SRGAP2: variants seen among roughly 807,000 people sequenced by gnomAD.
SRGAP2 encodes the protein SLIT-ROBO Rho GTPase-activating protein 2.
Under a neutral mutation model 57.2 loss-of-function variants are expected in SRGAP2, and 15 were observed. The ratio of observed to expected loss-of-function variants is 0.26; its 90% CI spans 0.18 to 0.40. SRGAP2 has a LOEUF of 0.40. SRGAP2 is among the 10% of genes least tolerant of loss of function. SRGAP2 has a pLI of 1.00. For missense variants in SRGAP2, 520 were observed against 669.6 expected (o/e 0.78, Z 2.47); for synonymous variants, 249 against 248.0 (o/e 1.00, Z -0.04).
chr1:206,351,018 A>T (rs1676002019), intron 4 of SRGAP2, among the ~76,000 whole-genome samples: 1 of 152,054 alleles, frequency 6.6e-6, no homozygotes, highest in South Asian at 2.1e-4. Context: ...GTTAAAAAGG[A>T]TAAATGAGAT....
At chr1:206,216,665 G>A (rs1224920180) in intron 2 of SRGAP2, among the ~76,000 whole-genome samples, 5 of 150,636 alleles carry the variant, frequency 3.3e-5, no homozygotes, top group South Asian at 4.2e-4. Context: ...TTATTTATAC[G>A]TTGTGAATGA....
At chr1:206,387,125 CAAAAAAAA>C (rs782327960) in intron 5 of SRGAP2, among the ~76,000 whole-genome samples, 1 of 83,544 alleles carries the variant, frequency 1.2e-5, no homozygotes, top group African/African-American at 4.5e-5. Flanking sequence ...GACTCTGTCT[CAAAAAAAA>C]AAAAAAAAAA....
At chr1:206,372,960 CT>C (rs1558358923) in intron 4 of SRGAP2, among the ~76,000 whole-genome samples, 4 of 18,046 alleles carry the variant, frequency 2.2e-4, no homozygotes, top group South Asian at 3.0e-3. Flanking sequence ...TCTTTCTTTT[CT>C]TTCCTTTCTT....
chr1:206,360,053 G>T (rs1213770261), intron 4 of SRGAP2, among the ~76,000 whole-genome samples: 1 of 151,778 alleles, frequency 6.6e-6, no homozygotes, highest in Admixed American at 6.6e-5. Flanking sequence ...TGATCCGCCC[G>T]CCTCGGCCTC....
In SRGAP2 at chr1:206,412,645, T is replaced by C. The variant is rs897422504; in HGVS notation, c.1357-3244T>C. On this transcript the variant is annotated intron_variant, in intron 10 of 22. Coordinates refer to ENST00000573034, the MANE Select transcript of SRGAP2 (RefSeq NM_015326.5). ...TAAGCAGCCCTTTTCCTGGCCCCCG[T>C]GATCTCCAGAAGTCATTAAAAGCCA... Among the ~76,000 whole-genome samples, 864 of 152,308 alleles carry C rather than the reference T, an allele frequency of 5.7e-3. 9 individuals are homozygous for C. Among genetic ancestry groups the C allele is most frequent in the African/African-American group, 0.02 (812 of 41,550 alleles).
intron 2 of SRGAP2, among the ~76,000 whole-genome samples, chr1:206,255,228 G>A (rs61815478): frequency 0.4 from 58,243 of 145,306 alleles, 12,145 homozygotes; most frequent in East Asian, 0.71. Context: ...CTTTCAGTTC[G>A]AGATCTTATT....
chr1:206,306,552 C>T (rs1355582775), intron 3 of SRGAP2, among the ~76,000 whole-genome samples: 17 of 152,048 alleles, frequency 1.1e-4, no homozygotes, highest in Non-Finnish European at 1.2e-4. Flanking sequence ...GAAGGGGACC[C>T]GAGCGGGTTG....
At chr1:206,357,582 CTTTTTTTTTTTT>C (rs781912077) in intron 4 of SRGAP2, among the ~76,000 whole-genome samples, 9 of 78,052 alleles carry the variant, frequency 1.2e-4, no homozygotes, top group East Asian at 7.4e-4. Flanking sequence ...GCTATGTTGT[CTTTTTTTTTTTT>C]TTTTTTTTTT....
chr1:206,414,191 T>C (rs1405089603), intron 10 of SRGAP2, among the ~76,000 whole-genome samples: 2 of 151,846 alleles, frequency 1.3e-5, no homozygotes, highest in Admixed American at 6.6e-5. Context: ...ACCACCACCA[T>C]GCCCGGCTAA....
At chr1:206,421,551 C>A (rs1660307054) in intron 13 of SRGAP2, among the ~76,000 whole-genome samples, 1 of 152,216 alleles carries the variant, frequency 6.6e-6, no homozygotes. Context: ...TGTTCCAGAA[C>A]TGCCCATGGC....
chr1:206,327,349 T>C (rs1220031422), intron 3 of SRGAP2, among the ~76,000 whole-genome samples: 3 of 151,018 alleles, frequency 2.0e-5, no homozygotes, highest in African/African-American at 7.3e-5. Context: ...AAAAGAAGTG[T>C]TCCTATTTAG....
In SRGAP2 at chr1:206,449,558, T is replaced by C. The variant is rs1663091519; in HGVS notation, c.2100-828T>C. On this transcript the variant is annotated intron_variant, in intron 18 of 22. Coordinates refer to ENST00000573034, the MANE Select transcript of SRGAP2 (RefSeq NM_015326.5). ...TCCCAAAGTGCTGGGATTACAGGTG[T>C]GAGCCATTGTGCCTGACCTACCCTG... 2.0e-5 allele frequency among the ~76,000 whole-genome samples: 3 copies of C among 151,730 alleles called. No individual in the cohort carries two copies. The South Asian group carries it at 6.3e-4, about 32-fold the overall frequency.
In SRGAP2 at chr1:206,454,821, CTTTTTGTG is replaced by C; in HGVS notation, c.2361-54_2361-47del. 1.8e-5 allele frequency: 13 copies of C among 709,476 alleles called. No homozygotes were observed. The highest frequency in any genetic ancestry group is 2.3e-5 in the Non-Finnish European group (9 of 385,066). The allele number at this position is 709,476 out of a possible 1,614,324, so 43.9% of individuals were successfully genotyped here. On this transcript the variant is annotated intron_variant, in intron 20 of 22. Coordinates refer to ENST00000573034, the MANE Select transcript of SRGAP2 (RefSeq NM_015326.5). This position sits in a 1 kb window ranked among gnomAD's most constrained non-coding sequence, Gnocchi z 4.3. ...GGGCCATCTTGCCGATTTAACGCTGCTTTTTGTGTTGTTGTTGTTTTCCCTCCTCCCTG... is the reference window on the plus strand; with the variant it reads ...GGGCCATCTTGCCGATTTAACGCTGCTTGTTGTTGTTTTCCCTCCTCCCTG...
chr1:206,283,040 G>T (rs1327219892), intron 2 of SRGAP2, among the ~76,000 whole-genome samples: 2 of 147,240 alleles, frequency 1.4e-5, no homozygotes, highest in Admixed American at 6.8e-5. Flanking sequence ...GATTATTTCG[G>T]TTCCTTGCAT....
chr1:206,249,564 T>G (rs61815481), intron 2 of SRGAP2, among the ~76,000 whole-genome samples: 59,985 of 139,114 alleles, frequency 0.43, 13,428 homozygotes, highest in East Asian at 0.7. Context: ...GGGCACAGTG[T>G]GGGGAACATC....
chr1:206,447,974 G>A (rs1289867870), intron 18 of SRGAP2, among the ~76,000 whole-genome samples: 3 of 152,200 alleles, frequency 2.0e-5, no homozygotes, highest in East Asian at 3.9e-4. Flanking sequence ...CACAAGATTA[G>A]TCAGGGAACA....
chr1:206,368,961 G>A (rs1314994509), intron 4 of SRGAP2, among the ~76,000 whole-genome samples: 1 of 151,684 alleles, frequency 6.6e-6, no homozygotes, highest in Admixed American at 6.6e-5. Context: ...AGGATAGCCA[G>A]TGGCTAGAAA....
chr1:206,309,086 A>G (rs1233158212), intron 3 of SRGAP2, among the ~76,000 whole-genome samples: 1 of 138,342 alleles, frequency 7.2e-6, no homozygotes, highest in Non-Finnish European at 1.5e-5. Context: ...AGATCGCTTC[A>G]CTCCAGGAGT....
At chr1:206,453,901 G>A in intron 20 of SRGAP2, 1 of 502,168 alleles carries the variant, frequency 2.0e-6, no homozygotes. Flanking sequence ...AGATGAGGTT[G>A]ATATAGGGTA....
Sources: gnomAD v4.1 joint callset for allele counts (sites outside exome capture counted in the v4.1 genomes callset) on GRCh38, gnomAD v4.1.1 for gene constraint, Gnocchi (gnomAD v3.1) non-coding constraint, MANE v1.5 for transcripts, NCBI Gene and HGNC (gene_info 2026-07-23, HGNC 2026-07-21) for gene names.